The following ZNF407 variants were observed in gnomAD, a reference collection of about 807,000 sequenced individuals.
ZNF407 encodes zinc finger protein 407.
In ZNF407, 17 loss-of-function variants were observed where a neutral mutation model predicts 131.2. The ratio of observed to expected loss-of-function variants is 0.13; its 90% CI spans 0.09 to 0.19. The LOEUF is 0.19. ZNF407 is among the 10% of genes least tolerant of loss of function. The pLI, the probability that ZNF407 is intolerant of heterozygous loss-of-function variation, is 1.00. For synonymous variants in ZNF407, 1,156 were observed against 1,062.0 expected, an observed-to-expected ratio of 1.09 and a Z score of -1.72; for missense variants, 2,681 against 2,830.6, an observed-to-expected ratio of 0.95 and a Z score of 1.20.
At chr18:74,748,859 C>T (rs1168489529) in intron 3 of ZNF407, among the ~76,000 whole-genome samples, 1 of 152,246 alleles carries the variant, frequency 6.6e-6, no homozygotes, top group South Asian at 2.1e-4. Context: ...CTGACAGACA[C>T]GAAAGCCGTT....
chr18:74,838,871 G>C (rs1454350104), intron 4 of ZNF407, among the ~76,000 whole-genome samples: 2 of 151,980 alleles, frequency 1.3e-5, no homozygotes, highest in East Asian at 3.9e-4. Context: ...AAACTGTTTT[G>C]CAGCCATCAA....
chr18:74,724,159 A>C (rs1301333515), intron 3 of ZNF407, among the ~76,000 whole-genome samples: 1 of 152,136 alleles, frequency 6.6e-6, no homozygotes, highest in East Asian at 1.9e-4. Flanking sequence ...TAGACAACTG[A>C]ATGTATTGTA....
At chr18:74,943,336 G>C (rs937097731) in intron 8 of ZNF407, among the ~76,000 whole-genome samples, 2 of 152,164 alleles carry the variant, frequency 1.3e-5, no homozygotes, top group Non-Finnish European at 2.9e-5. Flanking sequence ...GCACATTGCA[G>C]TTCTCTTTCT....
At chr18:74,932,930 T>G (rs2145257624) in intron 8 of ZNF407, among the ~76,000 whole-genome samples, 1 of 152,318 alleles carries the variant, frequency 6.6e-6, no homozygotes, top group African/African-American at 2.4e-5. Flanking sequence ...TTGGAACCCT[T>G]ATGCGCTGCT....
chr18:74,762,544 C>T (rs1012984612), intron 3 of ZNF407, among the ~76,000 whole-genome samples: 12 of 152,012 alleles, frequency 7.9e-5, no homozygotes, highest in Admixed American at 5.9e-4. Flanking sequence ...ATACCCATTA[C>T]TGCCCCAAAT....
chr18:75,015,128 A>G (rs1001628592), intron 8 of ZNF407, among the ~76,000 whole-genome samples: 3 of 152,124 alleles, frequency 2.0e-5, no homozygotes, highest in African/African-American at 2.4e-5. Context: ...TGAAAGGGAT[A>G]TAATTTGTAG....
At position 74,635,381 on chromosome 18, in the gene ZNF407, T is replaced by C; in HGVS notation, c.4362T>C (p.Tyr1454=). The change falls in exon 2 of 9, where the codon TAT becomes TAC. Residue 1454 remains tyrosine (Y), a synonymous_variant. Coordinates refer to ENST00000299687, the MANE Select transcript of ZNF407 (RefSeq NM_017757.3). The surrounding 1 kb of genome is among the most constrained non-coding windows in gnomAD (Gnocchi z 4.7). ...GTTTACTCTGTGGAAAGTCGTTCTA[T>C]ACCGAAAGCAACCTTCACCAGCATC... ...FHCLLCGKSF[Y]TESNLHQHLA... is the part of the protein sequence containing the mutation. 1 of 1,613,986 alleles carries C rather than the reference T, an allele frequency of 6.2e-7. No individual in the cohort carries two copies. Among genetic ancestry groups the C allele is most frequent in the Non-Finnish European group, 8.5e-7 (1 of 1,179,858 alleles).
intron 7 of ZNF407, among the ~76,000 whole-genome samples, chr18:74,911,920 G>A (rs1384756376): frequency 6.6e-6 from 1 of 152,118 alleles, no homozygotes; most frequent in African/African-American, 2.4e-5. Context: ...TGCTCTTTGG[G>A]CGGTGGGTTG....
At chr18:74,661,243 T>G (rs1278392257) in intron 3 of ZNF407, among the ~76,000 whole-genome samples, 1 of 152,056 alleles carries the variant, frequency 6.6e-6, no homozygotes, top group Non-Finnish European at 1.5e-5. Flanking sequence ...AGTCAGTCTC[T>G]TTGCACAGAG....
At chr18:75,044,262 A>T (rs1035588117) in intron 8 of ZNF407, among the ~76,000 whole-genome samples, 1 of 152,148 alleles carries the variant, frequency 6.6e-6, no homozygotes, top group African/African-American at 2.4e-5. Flanking sequence ...CCTGTTGAAA[A>T]AAAACACTAT....
chr18:74,878,526 C>T (rs529479569), intron 5 of ZNF407, among the ~76,000 whole-genome samples: 6 of 152,110 alleles, frequency 3.9e-5, no homozygotes, highest in South Asian at 2.1e-4. Flanking sequence ...TTATCGTCGG[C>T]GTTTCCTTCT....
At chr18:74,957,790 A>G (rs751840750) in intron 8 of ZNF407, among the ~76,000 whole-genome samples, 1 of 152,208 alleles carries the variant, frequency 6.6e-6, no homozygotes, top group Admixed American at 6.5e-5. Context: ...CAGATCTTCA[A>G]GATGTAATGA....
intron 2 of ZNF407, among the ~76,000 whole-genome samples, chr18:74,636,113 C>T (rs1372579067): frequency 2.6e-5 from 4 of 152,120 alleles, no homozygotes; most frequent in Admixed American, 1.3e-4. Context: ...AATTTTCTTA[C>T]AATATCAGGG....
At chr18:74,665,650 A>C (rs904812032) in intron 3 of ZNF407, among the ~76,000 whole-genome samples, 2 of 152,126 alleles carry the variant, frequency 1.3e-5, no homozygotes, top group African/African-American at 4.8e-5. Flanking sequence ...TCAATTTTGA[A>C]TTTTTTGTTG....
chr18:74,830,881 AT>A (rs990741880), intron 4 of ZNF407, among the ~76,000 whole-genome samples: 8 of 151,946 alleles, frequency 5.3e-5, no homozygotes, highest in African/African-American at 1.9e-4. Context: ...TGGAGCTGTA[AT>A]TTTTTGTCAT....
chr18:74,693,625 C>T (rs927216500), intron 3 of ZNF407, among the ~76,000 whole-genome samples: 7 of 152,106 alleles, frequency 4.6e-5, no homozygotes, highest in African/African-American at 1.7e-4. Context: ...CTGTATATAT[C>T]ATGTTTCTGT....
Position 74,755,555 on chromosome 18 carries a change from T to TCC in ZNF407, c.4803-25872_4803-25871insCC, listed in dbSNP as rs1555684012. 2.4e-3 allele frequency among the ~76,000 whole-genome samples: 22 copies of TCC among 9,292 alleles called. No homozygotes were observed. The Admixed American group carries it at 0.025, about 11-fold the overall frequency. 6.1% of individuals were successfully genotyped at this position (9,292 alleles called of 152,430 possible). ...TCCCTCTCTCCCTCCCTCCCTTCCT[T>TCC]CTTCCTTCCTTCCTTCCTCCTTTCT... On this transcript the variant is annotated intron_variant, in intron 3 of 8. Transcript: ENST00000299687.
At chr18:74,830,963 T>C (rs72975445) in intron 4 of ZNF407, among the ~76,000 whole-genome samples, 13,474 of 152,210 alleles carry the variant, frequency 0.089, 678 homozygotes, top group South Asian at 0.18. Flanking sequence ...GTTCTACTTT[T>C]TGCTTCTATG....
rs956283335 is a variant in ZNF407, at chr18:75,048,507, G to A, written c.5429-14643G>A. On this transcript the variant is annotated intron_variant, in intron 8 of 8. Transcript: ENST00000299687. This position sits in a 1 kb window ranked among gnomAD's most constrained non-coding sequence, Gnocchi z 4.1. ...CCTCAGGTGTTTGGGACTACCACCT[G>A]TATTCTCATCATAGCCAGAAATTTC... Among the ~76,000 whole-genome samples the A allele has an allele frequency of 6.6e-6, 1 of 152,112 alleles. No homozygotes were observed. The highest frequency in any genetic ancestry group is 2.1e-4 in the South Asian group (1 of 4,830).
Sources: gnomAD v4.1 joint callset for allele counts (sites outside exome capture counted in the v4.1 genomes callset) on GRCh38, gnomAD v4.1.1 for gene constraint, Gnocchi (gnomAD v3.1) non-coding constraint, MANE v1.5 for transcripts, NCBI Gene and HGNC (gene_info 2026-07-23, HGNC 2026-07-21) for gene names.